Variants in UPF1 observed in about 807,000 individuals in gnomAD.
The protein encoded by UPF1 is regulator of nonsense transcripts 1.
In UPF1, 9 loss-of-function variants were observed where a neutral mutation model predicts 129.2. That is an observed-to-expected ratio of 0.07 (90% CI 0.04 to 0.12). The LOEUF (loss-of-function observed/expected upper bound fraction) is 0.12, where lower values mean the gene tolerates loss of function less well. UPF1 is among the 10% of genes least tolerant of loss of function. UPF1 has a pLI of 1.00. For synonymous variants in UPF1, 649 were observed against 644.9 expected, an observed-to-expected ratio of 1.01 and a Z score of -0.10; for missense variants, 788 against 1,525.3, an observed-to-expected ratio of 0.52 and a Z score of 8.05.
intron 1 of UPF1, among the ~76,000 whole-genome samples, chr19:18,834,487 A>AC (rs1284175001): frequency 6.6e-6 from 1 of 152,148 alleles, no homozygotes; most frequent in Non-Finnish European, 1.5e-5. Context: ...ACTGGGCTGT[A>AC]CAAAAGGAGA....
At chr19:18,843,101 G>A (rs1172319394) in intron 1 of UPF1, among the ~76,000 whole-genome samples, 1 of 152,186 alleles carries the variant, frequency 6.6e-6, no homozygotes, top group Admixed American at 6.5e-5. Context: ...GGGATTACAG[G>A]TATGAGCCAT....
At position 18,850,330 on chromosome 19, in the gene UPF1, G is replaced by T; in HGVS notation, c.629+88G>T. On this transcript the variant is annotated intron_variant, in intron 4 of 23. Transcript: ENST00000262803. This position sits in a 1 kb window ranked among gnomAD's most constrained non-coding sequence, Gnocchi z 7.1. ...CTTGGCCCAGCCCAGCCCAGCCGTG[G>T]CTCTAACTCCAGGGAGTTGTCCTCC... 2 of 1,485,304 alleles carry T rather than the reference G, an allele frequency of 1.3e-6. No individual in the cohort carries two copies. The highest frequency in any genetic ancestry group is 9.0e-7 in the Non-Finnish European group (1 of 1,114,796). The allele number at this position is 1,485,304 out of a possible 1,614,324, so 92.0% of individuals were successfully genotyped here.
At chr19:18,847,636 T>C (rs779316295) in intron 2 of UPF1, 108 bp from the exon 3 acceptor site, 3 of 1,026,226 alleles carry the variant, frequency 2.9e-6, no homozygotes, top group Non-Finnish European at 4.5e-6. Context: ...GAGTATGTGT[T>C]TAATGAAGAA....
At chr19:18,848,178 C>T (rs113295021) in intron 3 of UPF1, 64 of 264,330 alleles carry the variant, frequency 2.4e-4, no homozygotes, top group South Asian at 2.4e-3. Context: ...CATCCAGGGG[C>T]GCTGGTTCCT....
chr19:18,844,078 A>G (rs1472830213), intron 1 of UPF1, among the ~76,000 whole-genome samples: 1 of 152,066 alleles, frequency 6.6e-6, no homozygotes, highest in Non-Finnish European at 1.5e-5. Context: ...GCACGGTCTG[A>G]GTTCTGGAGC....
At chr19:18,862,713 T>C (rs977204075) in intron 18 of UPF1, among the ~76,000 whole-genome samples, 1 of 152,106 alleles carries the variant, frequency 6.6e-6, no homozygotes, top group African/African-American at 2.4e-5. Flanking sequence ...ATGCCTGTAA[T>C]CTGAGCTACT....
intron 1 of UPF1, among the ~76,000 whole-genome samples, chr19:18,837,932 C>T (rs1279194013): frequency 6.6e-6 from 1 of 152,240 alleles, no homozygotes; most frequent in Non-Finnish European, 1.5e-5. Flanking sequence ...GTCCAGCCCT[C>T]ACTCTCCTCC....
At position 18,832,892 on chromosome 19, in the gene UPF1, C is replaced by T. The variant is rs975366479; in HGVS notation, c.231+452C>T. Reference sequence around the variant, plus strand: ...TCTGAGTTCTTCCATTCCATCCGGGCTAGGGTGACCTGCCCTGGTCCCTCT... The same window carrying T: ...TCTGAGTTCTTCCATTCCATCCGGGTTAGGGTGACCTGCCCTGGTCCCTCT... On this transcript the variant is annotated intron_variant, in intron 1 of 23. Coordinates refer to ENST00000262803, the MANE Select transcript of UPF1 (RefSeq NM_002911.4). The surrounding 1 kb of genome is among the most constrained non-coding windows in gnomAD (Gnocchi z 5.6). Among the ~76,000 whole-genome samples the T allele has an allele frequency of 6.6e-6, 1 of 152,146 alleles. No homozygotes were observed. The highest frequency in any genetic ancestry group is 1.5e-5 in the Non-Finnish European group (1 of 67,998).
chr19:18,848,778 A>T (rs929961527), intron 3 of UPF1, among the ~76,000 whole-genome samples: 1 of 152,194 alleles, frequency 6.6e-6, no homozygotes, highest in African/African-American at 2.4e-5. Flanking sequence ...AAAGATTTTA[A>T]AGAAGGGTAT....
intron 18 of UPF1, chr19:18,863,197 C>T: frequency 2.1e-6 from 1 of 473,968 alleles, no homozygotes; most frequent in Non-Finnish European, 3.7e-6. Context: ...CGTATCCACC[C>T]AGCCAGGTGT....
In UPF1 at chr19:18,856,975, C is replaced by G. The variant is rs1050098608; in HGVS notation, c.1923C>G (p.Ala641=). ...TTTTAATCGACGAAAGCACCCAGGC[C>G]ACCGAGCCGGAGTGCATGGTTCCCG... The part of the protein sequence containing the change: ...RSILIDESTQ[A]TEPECMVPVV... Residue 641 remains alanine, a synonymous_variant, in exon 14 of 24, where the codon GCC becomes GCG. Coordinates refer to ENST00000262803, the MANE Select transcript of UPF1 (RefSeq NM_002911.4). The G allele has an allele frequency of 1.9e-6, 3 of 1,612,636 alleles. No homozygotes were observed. The Admixed American group carries it at 5.0e-5, about 27-fold the overall frequency.
At chr19:18,860,592 C>T (rs931513048) in intron 16 of UPF1, among the ~76,000 whole-genome samples, 154 bp downstream of exon 16, 1 of 152,208 alleles carries the variant, frequency 6.6e-6, no homozygotes, top group Non-Finnish European at 1.5e-5. Context: ...TTGTTTCTGC[C>T]TCCTTTTCCA....
rs1405817351 is a variant in UPF1 at position 18,832,658 on chromosome 19, C to T, written c.231+218C>T. Among the ~76,000 whole-genome samples the T allele has an allele frequency of 6.6e-6, 1 of 152,210 alleles. No homozygotes were observed. The highest frequency in any genetic ancestry group is 2.4e-5 in the African/African-American group (1 of 41,468). On this transcript the variant is annotated intron_variant, in intron 1 of 23. Coordinates refer to ENST00000262803, the MANE Select transcript of UPF1 (RefSeq NM_002911.4). This position sits in a 1 kb window ranked among gnomAD's most constrained non-coding sequence, Gnocchi z 5.6. Reference sequence around the variant, plus strand: ...GCCTGGCCTGATCTGCCCCGGGTCCCCCGCTCCGGCCGCGACCTGGCTGAG... The same window carrying T: ...GCCTGGCCTGATCTGCCCCGGGTCCTCCGCTCCGGCCGCGACCTGGCTGAG...
rs1005780325 is a variant in UPF1 at position 18,853,520 on chromosome 19, C to T, written c.1156+170C>T. 6.6e-6 allele frequency among the ~76,000 whole-genome samples: 1 copy of T among 152,216 alleles called. No homozygotes were observed. The highest frequency in any genetic ancestry group is 1.5e-5 in the Non-Finnish European group (1 of 68,038). ...GCTCTTAGGAGAATCACAGGGCCTTCACCTTCAGGGGACAGCTGGTTGTAT... is the reference window on the plus strand; with the variant it reads ...GCTCTTAGGAGAATCACAGGGCCTTTACCTTCAGGGGACAGCTGGTTGTAT... On this transcript the variant is annotated intron_variant, in intron 8 of 23. Transcript: ENST00000262803. The surrounding 1 kb of genome is among the most constrained non-coding windows in gnomAD (Gnocchi z 4.4).
In UPF1 at chr19:18,854,988, C is replaced by G. The variant is rs1308028997; in HGVS notation, c.1375C>G (p.Leu459Val). 2 of 1,614,188 alleles carry G rather than the reference C, an allele frequency of 1.2e-6. No individual in the cohort carries two copies. Among genetic ancestry groups the G allele is most frequent in the South Asian group, 1.1e-5 (1 of 91,092 alleles). ...GGAGGACGTAATCATCAAGTGCCAG[C>G]TGCCCAAGCGCTTCACGGCGCAGGG... ...EVEDVIIKCQ[L>V]PKRFTAQGLP... The change falls in exon 10 of 24, where the codon CTG becomes GTG. Residue 459 changes from leucine (L) to valine (V), a missense_variant. Around this residue, in one of 6 missense-constraint regions of UPF1, gnomAD observed 227 missense variants for 517.9 expected, o/e 0.44. Transcript: ENST00000262803.
chr19:18,832,776 C>T lies in UPF1; in HGVS notation c.231+336C>T, dbSNP rs2055442253. 6.6e-6 allele frequency among the ~76,000 whole-genome samples: 1 copy of T among 152,092 alleles called. No individual in the cohort carries two copies. Among genetic ancestry groups the T allele is most frequent in the African/African-American group, 2.4e-5 (1 of 41,398 alleles). ...GCTAACCTGACCCTGTTCCTTTACGCCAGCTGGGTTTGCTCCCCCTCCTGG... is the reference window on the plus strand; with the variant it reads ...GCTAACCTGACCCTGTTCCTTTACGTCAGCTGGGTTTGCTCCCCCTCCTGG... On this transcript the variant is annotated intron_variant, in intron 1 of 23. Coordinates refer to ENST00000262803, the MANE Select transcript of UPF1 (RefSeq NM_002911.4). The surrounding 1 kb of genome is among the most constrained non-coding windows in gnomAD (Gnocchi z 5.6).
chr19:18,865,540 C>T lies in UPF1; in HGVS notation c.3020-21C>T. 6.2e-7 allele frequency: 1 copy of T among 1,613,856 alleles called. No homozygotes were observed. Among genetic ancestry groups the T allele is most frequent in the Non-Finnish European group, 8.5e-7 (1 of 1,180,028 alleles). On this transcript the variant is annotated intron_variant, in intron 21 of 23. Coordinates refer to ENST00000262803, the MANE Select transcript of UPF1 (RefSeq NM_002911.4). This position sits in a 1 kb window ranked among gnomAD's most constrained non-coding sequence, Gnocchi z 6.1. ...CGAGGCCCTGGCCTCCTTCGGATCA[C>T]CCTGGACTGCTGTCTTTCAGGGCGA...
chr19:18,845,088 T>C (rs1346777990), intron 1 of UPF1, among the ~76,000 whole-genome samples: 1 of 152,224 alleles, frequency 6.6e-6, no homozygotes, highest in African/African-American at 2.4e-5. Flanking sequence ...GCAAGGGCAT[T>C]AGGCCGAGGG....
intron 6 of UPF1, among the ~76,000 whole-genome samples, chr19:18,852,596 C>T: frequency 6.6e-6 from 1 of 152,146 alleles, no homozygotes; most frequent in Non-Finnish European, 1.5e-5. Flanking sequence ...CTGTGAAGAC[C>T]ACATTTAGGC....
Sources: gnomAD v4.1 joint callset for allele counts (sites outside exome capture counted in the v4.1 genomes callset) on GRCh38, gnomAD v4.1.1 for gene constraint, gnomAD v4.1.1 regional missense constraint, Gnocchi (gnomAD v3.1) non-coding constraint, MANE v1.5 for transcripts, NCBI Gene and HGNC (gene_info 2026-07-23, HGNC 2026-07-21) for gene names.